NUP133: variants seen among roughly 807,000 people sequenced by gnomAD.
NUP133 encodes nucleoporin 133.
Under a neutral mutation model 146.2 loss-of-function variants are expected in NUP133, and 66 were observed. The ratio of observed to expected loss-of-function variants is 0.45; its 90% CI spans 0.37 to 0.55. The LOEUF (loss-of-function observed/expected upper bound fraction) is 0.55, where lower values mean the gene tolerates loss of function less well. Among genes scored for constraint, NUP133 ranks in the 20% least tolerant of loss-of-function variants. The pLI is 0.00. For synonymous variants in NUP133, 521 were observed against 498.8 expected, an observed-to-expected ratio of 1.04 and a Z score of -0.59; for missense variants, 1,277 against 1,374.8, an observed-to-expected ratio of 0.93 and a Z score of 1.12.
At chr1:229,475,839 G>A (rs1187028189) in intron 13 of NUP133, 107 bp from the exon 14 acceptor site, 3 of 875,202 alleles carry the variant, frequency 3.4e-6, no homozygotes, top group Non-Finnish European at 5.6e-6. Context: ...GCTAGGCACG[G>A]TGGCTCACAC....
At position 229,452,640 on chromosome 1, in the gene NUP133, A is replaced by C; in HGVS notation, c.2984T>G (p.Met995Arg). Residue 995 changes from methionine to arginine, a missense_variant, in exon 22 of 26, where the codon ATG becomes AGG. Physicochemically the swap from Met to Arg is moderately conservative, Grantham distance 91. Transcript: ENST00000261396. Reference protein sequence around the residue: ...EDMLQEKIEEMAEQERFLLHQ... With the variant: ...EDMLQEKIEERAEQERFLLHQ... Reference sequence around the variant, plus strand: ...CAGTAGAAAGCGCTCCTGCTCAGCCATTTCTAGTATTCAAGATGAGAGGGA... The same window carrying C: ...CAGTAGAAAGCGCTCCTGCTCAGCCCTTTCTAGTATTCAAGATGAGAGGGA... The C allele has an allele frequency of 6.2e-7, 1 of 1,605,990 alleles. No homozygotes were observed. Among genetic ancestry groups the C allele is most frequent in the African/African-American group, 1.3e-5 (1 of 74,772 alleles).
chr1:229,448,352 C>A (rs530218667), intron 24 of NUP133, among the ~76,000 whole-genome samples: 1 of 151,970 alleles, frequency 6.6e-6, no homozygotes, highest in African/African-American at 2.4e-5. Context: ...TGCTTGAACC[C>A]GGGAGGCAGA....
intron 24 of NUP133, 131 bp downstream of exon 24, chr1:229,448,995 G>T: frequency 1.4e-6 from 1 of 696,184 alleles, no homozygotes. Flanking sequence ...CTCACTGGTT[G>T]CCCAGTGTAG....
At chr1:229,452,417 T>C (rs1660471389) in intron 22 of NUP133, 108 bp downstream of exon 22, 1 of 730,990 alleles carries the variant, frequency 1.4e-6, no homozygotes, top group Non-Finnish European at 2.1e-6. Context: ...TTCTGGAAGG[T>C]AGGCAGTAGA....
At chr1:229,507,096 A>G (rs1482744221) in intron 1 of NUP133, among the ~76,000 whole-genome samples, 1 of 152,216 alleles carries the variant, frequency 6.6e-6, no homozygotes, top group East Asian at 1.9e-4. Context: ...TCAAATGATC[A>G]CAAGAAGAGA....
At position 229,495,924 on chromosome 1, in the gene NUP133, C is replaced by T; in HGVS notation, c.943G>A (p.Ala315Thr). The T allele has an allele frequency of 6.2e-7, 1 of 1,602,916 alleles. No homozygotes were observed. The highest frequency in any genetic ancestry group is 1.1e-5 in the South Asian group (1 of 88,482). ...KHAYSWDINRALKENITDAIW... is the reference protein window; with the variant it reads ...KHAYSWDINRTLKENITDAIW... ...GCATCGGTAATGTTTTCCTTCAGGG[C>T]TCTATTTATATCCCAACTGTATGCA... Residue 315 changes from alanine (A) to threonine (T), a missense_variant, in exon 7 of 26, where the codon GCC becomes ACC. Coordinates refer to ENST00000261396, the MANE Select transcript of NUP133 (RefSeq NM_018230.3).
At chr1:229,484,252 G>A (rs1365200904) in intron 11 of NUP133, 107 bp from the exon 12 acceptor site, 3 of 687,474 alleles carry the variant, frequency 4.4e-6, no homozygotes, top group Non-Finnish European at 7.4e-6. Flanking sequence ...ATATACACGA[G>A]CTGTTTGCCG....
intron 16 of NUP133, among the ~76,000 whole-genome samples, 153 bp downstream of exon 16, chr1:229,466,481 A>G (rs534388433): frequency 6.6e-6 from 1 of 152,368 alleles, no homozygotes; most frequent in East Asian, 1.9e-4. Context: ...GCTGATTAAT[A>G]ATAAAATGAC....
intron 8 of NUP133, among the ~76,000 whole-genome samples, chr1:229,490,797 T>C (rs894530692): frequency 6.6e-6 from 1 of 151,660 alleles, no homozygotes; most frequent in African/African-American, 2.4e-5. Context: ...ACCATCTCTA[T>C]AAAAATTAGT....
chr1:229,480,216 T>C (rs1290416914), intron 12 of NUP133, among the ~76,000 whole-genome samples: 1 of 152,008 alleles, frequency 6.6e-6, no homozygotes, highest in Non-Finnish European at 1.5e-5. Context: ...CTCTGTGAAG[T>C]AGGAAGTTAA....
intron 21 of NUP133, among the ~76,000 whole-genome samples, chr1:229,457,082 C>A (rs1411006266): frequency 6.6e-6 from 1 of 152,090 alleles, no homozygotes; most frequent in Non-Finnish European, 1.5e-5. Context: ...CCACGTCAGC[C>A]TCCCAAAGTG....
rs747045268 is a variant in NUP133, at chr1:229,499,792, T to C, written c.540A>G (p.Arg180=). Residue 180 remains arginine, a synonymous_variant, in exon 5 of 26, where the codon AGA becomes AGG. Transcript: ENST00000261396. The part of the protein sequence containing the change: ...TQAVAVMVAT[R]EGSIRYWPSL... The stretch of plus-strand genomic sequence containing the variant: ...TTGGCCAATAGCGGATAGATCCTTC[T>C]CTGGTGGCAACCATGACAGCAACAG... The C allele has an allele frequency of 2.5e-6, 4 of 1,613,914 alleles. No individual in the cohort carries two copies. The East Asian group carries it at 8.9e-5, about 36-fold the overall frequency.
At chr1:229,464,498 C>A in intron 18 of NUP133, 126 bp downstream of exon 18, 2 of 1,107,562 alleles carry the variant, frequency 1.8e-6, no homozygotes. Flanking sequence ...GAAAGCTGTG[C>A]ATATTTGCTT....
At chr1:229,454,170 C>G (rs1660513496) in intron 21 of NUP133, among the ~76,000 whole-genome samples, 1 of 152,150 alleles carries the variant, frequency 6.6e-6, no homozygotes, top group Admixed American at 6.6e-5. Flanking sequence ...TCCTAGGCAG[C>G]AAGGGTTATC....
chr1:229,483,852 T>C (rs966534074), intron 12 of NUP133, among the ~76,000 whole-genome samples: 1 of 152,128 alleles, frequency 6.6e-6, no homozygotes, highest in Admixed American at 6.6e-5. Flanking sequence ...CCCATGTTTT[T>C]TCCCTAACCT....
At chr1:229,451,293 AGAG>A (rs1660443328) in intron 22 of NUP133, among the ~76,000 whole-genome samples, 1 of 151,962 alleles carries the variant, frequency 6.6e-6, no homozygotes, top group Admixed American at 6.6e-5. Context: ...CAGCTACTCC[AGAG>A]GCTGAGGTAG....
intron 21 of NUP133, among the ~76,000 whole-genome samples, chr1:229,456,440 A>G (rs1012904473): frequency 2.0e-5 from 3 of 152,140 alleles, no homozygotes; most frequent in African/African-American, 7.2e-5. Context: ...TTTTTGTCTT[A>G]TAAACTGTGG....
intron 8 of NUP133, among the ~76,000 whole-genome samples, chr1:229,494,046 G>A (rs546879226): frequency 2.6e-5 from 4 of 152,138 alleles, no homozygotes; most frequent in African/African-American, 7.2e-5. Context: ...TGGGAGAATC[G>A]CTTGAACCGG....
At position 229,460,538 on chromosome 1, in the gene NUP133, T is replaced by C. The variant is rs1190343243; in HGVS notation, c.2844+73A>G. On this transcript the variant is annotated intron_variant, in intron 20 of 25. Transcript: ENST00000261396. ...ATATGACAGTAAACAGTATTTTAAT[T>C]ACTAAAAACAAAACTAATTAAAACT... 4 of 1,440,604 alleles carry C rather than the reference T, an allele frequency of 2.8e-6. No individual in the cohort carries two copies. In the Admixed American group the frequency reaches 8.1e-5, roughly 29 times the overall value. The allele number at this position is 1,440,604 out of a possible 1,614,324, so 89.2% of individuals were successfully genotyped here. A position where few individuals can be genotyped will look rare whatever the true frequency, so the allele number is the denominator to read the frequency against.
Sources: gnomAD v4.1 joint callset for allele counts (sites outside exome capture counted in the v4.1 genomes callset) on GRCh38, gnomAD v4.1.1 for gene constraint, MANE v1.5 for transcripts, NCBI Gene and HGNC (gene_info 2026-07-23, HGNC 2026-07-21) for gene names.